Variants in IFFO2 observed in about 807,000 individuals in gnomAD.
The protein encoded by IFFO2 is intermediate filament family orphan 2.
In IFFO2, 19 loss-of-function variants were observed where a neutral mutation model predicts 53.5. The observed-to-expected ratio is 0.36, with a 90% CI of 0.25 to 0.52. The LOEUF (loss-of-function observed/expected upper bound fraction) is 0.52. Among genes scored for constraint, IFFO2 ranks in the 20% least tolerant of loss-of-function variants. The pLI is 0.94. For synonymous variants in IFFO2, 303 were observed against 313.6 expected (o/e 0.97, Z 0.36); for missense variants, 570 against 727.4 (o/e 0.78, Z 2.49).
chr1:18,933,093 A>G (rs973452818), intron 1 of IFFO2, among the ~76,000 whole-genome samples: 7 of 152,264 alleles, frequency 4.6e-5, no homozygotes, highest in Non-Finnish European at 1.0e-4. Flanking sequence ...CTGGGGACAC[A>G]GAAGTGGATT....
At chr1:18,939,067 G>A (rs1026225654) in intron 1 of IFFO2, among the ~76,000 whole-genome samples, 1 of 152,220 alleles carries the variant, frequency 6.6e-6, no homozygotes, top group Non-Finnish European at 1.5e-5. Flanking sequence ...CCCCTTGGAG[G>A]TGAGGGGCCT....
intron 1 of IFFO2, among the ~76,000 whole-genome samples, chr1:18,938,380 G>A (rs750549079): frequency 6.6e-5 from 10 of 152,206 alleles, no homozygotes; most frequent in Non-Finnish European, 1.5e-4. Flanking sequence ...CTGCTACAGC[G>A]TCCAGGGCCC....
intron 5 of IFFO2, among the ~76,000 whole-genome samples, chr1:18,912,760 CAG>C (rs35177957): frequency 0.11 from 17,469 of 152,180 alleles, 1,033 homozygotes; most frequent in Non-Finnish European, 0.12. Flanking sequence ...GGTGAGGAAA[CAG>C]AGGCTCAGAG....
chr1:18,905,483 T>C lies in IFFO2; in HGVS notation c.*3078A>G, dbSNP rs1569821417. ...TACATTTAGCTTAAGTTACATCTTA[T>C]ATTCTCCCCCACCCCACCCCCTCTC... On this transcript the variant is annotated 3_prime_UTR_variant, in exon 9 of 9. Coordinates refer to ENST00000455833, the MANE Select transcript of IFFO2 (RefSeq NM_001136265.2). 6.6e-6 allele frequency: 1 copy of C among 152,280 alleles called. No homozygotes were observed. Among genetic ancestry groups the C allele is most frequent in the African/African-American group, 2.4e-5 (1 of 41,550 alleles). 9.4% of individuals were successfully genotyped at this position (152,280 alleles called of 1,614,324 possible). A position where few individuals can be genotyped will look rare whatever the true frequency, so the allele number is the denominator to read the frequency against.
At chr1:18,921,564 T>G (rs950790718) in intron 1 of IFFO2, among the ~76,000 whole-genome samples, 1 of 152,212 alleles carries the variant, frequency 6.6e-6, no homozygotes, top group African/African-American at 2.4e-5. Flanking sequence ...TTTATTGTGC[T>G]AAGCATTGCG....
chr1:18,938,082 G>T (rs1173297095), intron 1 of IFFO2, among the ~76,000 whole-genome samples: 1 of 140,882 alleles, frequency 7.1e-6, no homozygotes, highest in African/African-American at 2.7e-5. Context: ...GAGGCCACTT[G>T]CAGCCACCCC....
Position 18,955,678 on chromosome 1 carries a change from A to G in IFFO2, c.655T>C (p.Tyr219His). 1 of 1,583,536 alleles carries G rather than the reference A, an allele frequency of 6.3e-7. No homozygotes were observed. Among genetic ancestry groups the G allele is most frequent in the African/African-American group, 1.4e-5 (1 of 73,322 alleles). The change falls in exon 1 of 9, where the codon TAT (tyrosine) becomes CAT (histidine). Residue 219 changes from tyrosine (Y) to histidine (H), a missense_variant. Physicochemically the swap from Tyr to His is moderately conservative, Grantham distance 83. Transcript: ENST00000455833. ...LAKVKRERDE[Y>H]KRRWEEELAK... ...GGGGCGGCCACTCACCTCCGCTTAT[A>G]CTCGTCGCGCTCGCGCTTCACCTTG...
chr1:18,955,963 C>G lies in IFFO2; in HGVS notation c.370G>C (p.Gly124Arg). The change falls in exon 1 of 9, where the codon GGC becomes CGC. Residue 124 changes from glycine to arginine, a missense_variant. Coordinates refer to ENST00000455833, the MANE Select transcript of IFFO2 (RefSeq NM_001136265.2). The stretch of plus-strand genomic sequence containing the variant: ...CCGGCCGCCGCGCCACTGCTGAGGC[C>G]GTGCCCGCCGCCGGGCGCCGGGGGC... ...LRPPAPGGGH[G>R]LSSGAAAGAN... is the part of the protein sequence containing the mutation. 7.6e-7 allele frequency: 1 copy of G among 1,319,464 alleles called. No homozygotes were observed. The highest frequency in any genetic ancestry group is 9.7e-7 in the Non-Finnish European group (1 of 1,029,760). The allele number at this position is 1,319,464 out of a possible 1,614,324, so 81.7% of individuals were successfully genotyped here. A position where few individuals can be genotyped will look rare whatever the true frequency, so the allele number is the denominator to read the frequency against.
chr1:18,912,233 G>A (rs1936051970), intron 5 of IFFO2, 150 bp from the exon 6 acceptor site: 7 of 829,514 alleles, frequency 8.4e-6, no homozygotes, highest in South Asian at 5.8e-5. Context: ...GGGGACATTC[G>A]CCTTATCCAA....
chr1:18,925,637 G>C (rs905289389), intron 1 of IFFO2, among the ~76,000 whole-genome samples: 2 of 152,250 alleles, frequency 1.3e-5, no homozygotes. Context: ...CGGGGGTCCA[G>C]TCCTTCTGCA....
intron 7 of IFFO2, among the ~76,000 whole-genome samples, chr1:18,910,850 A>G (rs575984305): frequency 1.3e-5 from 2 of 152,362 alleles, no homozygotes; most frequent in Admixed American, 6.5e-5. Context: ...TACTTCCTCT[A>G]GGGAAGGAGC....
At chr1:18,953,780 A>G (rs771731325) in intron 1 of IFFO2, among the ~76,000 whole-genome samples, 1 of 152,226 alleles carries the variant, frequency 6.6e-6, no homozygotes, top group Non-Finnish European at 1.5e-5. Context: ...AGAAGCTGAC[A>G]TCACACCCCA....
chr1:18,955,757 G>A lies in IFFO2; in HGVS notation c.576C>T (p.Gly192=), dbSNP rs777013454. Reference sequence around the variant, plus strand: ...CCGGCGTGATGGTGTCGATCTGCACGCCCACGCCGTCGGGGTGCACCCACG... The same window carrying A: ...CCGGCGTGATGGTGTCGATCTGCACACCCACGCCGTCGGGGTGCACCCACG... ...GVSWVHPDGV[G]VQIDTITPEI... is the part of the protein sequence containing the mutation. Residue 192 remains glycine, a synonymous_variant, in exon 1 of 9, where the codon GGC becomes GGT. Coordinates refer to ENST00000455833, the MANE Select transcript of IFFO2 (RefSeq NM_001136265.2). 2.6e-5 allele frequency: 41 copies of A among 1,572,800 alleles called. No individual in the cohort carries two copies. The African/African-American group carries it at 5.6e-4, about 21-fold the overall frequency.
chr1:18,925,006 C>T (rs540284417), intron 1 of IFFO2, among the ~76,000 whole-genome samples: 7 of 152,310 alleles, frequency 4.6e-5, no homozygotes, highest in South Asian at 4.1e-4. Flanking sequence ...ACGGCTGACA[C>T]GGCCTGAATC....
intron 1 of IFFO2, among the ~76,000 whole-genome samples, chr1:18,926,309 C>T (rs112752655): frequency 6.8e-4 from 103 of 152,308 alleles, no homozygotes; most frequent in African/African-American, 2.4e-3. Flanking sequence ...CCATTCGGCT[C>T]CAGAGCCTCT....
Position 18,940,894 on chromosome 1 carries a change from C to G in IFFO2, c.665+14774G>C, listed in dbSNP as rs537712873. ...ACAAGAGAAAGCTCCAAGTCCCCCC[C>G]AAAAGCCATGAGGTTTATCTGCTCC... On this transcript the variant is annotated intron_variant, in intron 1 of 8. Transcript: ENST00000455833. 5.7e-4 allele frequency among the ~76,000 whole-genome samples: 87 copies of G among 152,312 alleles called. No homozygotes were observed. In the South Asian group the frequency reaches 7.9e-3, roughly 14 times the overall value.
chr1:18,955,516 T>C (rs1936712185), intron 1 of IFFO2, among the ~76,000 whole-genome samples, 152 bp downstream of exon 1: 1 of 152,180 alleles, frequency 6.6e-6, no homozygotes, highest in Non-Finnish European at 1.5e-5. Flanking sequence ...AACTGGGCCT[T>C]CCTGGCGTAC....
chr1:18,956,490 C>G lies in IFFO2; in HGVS notation c.-158G>C, dbSNP rs1377070548. The G allele has an allele frequency of 6.3e-6, 1 of 159,122 alleles. No individual in the cohort carries two copies. The highest frequency in any genetic ancestry group is 2.4e-5 in the African/African-American group (1 of 41,612). The allele number at this position is 159,122 out of a possible 1,614,324, so 9.9% of individuals were successfully genotyped here. ...GCGCCAGATGCGGCCTCCGCAGAGA[C>G]GGCAGGACGGATGGCCCCGGATGCG... On this transcript the variant is annotated 5_prime_UTR_variant, in exon 1 of 9. Coordinates refer to ENST00000455833, the MANE Select transcript of IFFO2 (RefSeq NM_001136265.2). This position sits in a 1 kb window ranked among gnomAD's most constrained non-coding sequence, Gnocchi z 6.4.
chr1:18,911,377 C>A lies in IFFO2; in HGVS notation c.1317+7G>T. On this transcript the variant is annotated splice_region_variant and intron_variant, in intron 7 of 8. Coordinates refer to ENST00000455833, the MANE Select transcript of IFFO2 (RefSeq NM_001136265.2). The stretch of plus-strand genomic sequence containing the variant: ...TCACGAGTGGGCTCCACGTCCCGAG[C>A]CCTCACCTCGATCTGACCTATCGTT... 1 of 1,480,848 alleles carries A rather than the reference C, an allele frequency of 6.8e-7. No homozygotes were observed. Among genetic ancestry groups the A allele is most frequent in the Non-Finnish European group, 9.0e-7 (1 of 1,105,670 alleles). The allele number at this position is 1,480,848 out of a possible 1,614,324, so 91.7% of individuals were successfully genotyped here. A position where few individuals can be genotyped will look rare whatever the true frequency, so the allele number is the denominator to read the frequency against.
Sources: gnomAD v4.1 joint callset for allele counts (sites outside exome capture counted in the v4.1 genomes callset) on GRCh38, gnomAD v4.1.1 for gene constraint, Gnocchi (gnomAD v3.1) non-coding constraint, MANE v1.5 for transcripts, NCBI Gene and HGNC (gene_info 2026-07-23, HGNC 2026-07-21) for gene names.